CSMD1: variants seen among roughly 807,000 people sequenced by gnomAD.
CSMD1 encodes CUB and sushi domain-containing protein 1.
CSMD1 carries 213 observed loss-of-function variants against 417.5 expected under a neutral mutation model. That is an observed-to-expected ratio of 0.51 (90% CI 0.46 to 0.57). The LOEUF (loss-of-function observed/expected upper bound fraction) is 0.57, where lower values mean the gene tolerates loss of function less well. Ranked by LOEUF, CSMD1 falls within the 20% of genes least tolerant of loss-of-function variation. CSMD1 has a pLI of 0.00. For missense variants in CSMD1, 6,923 were observed against 4,529.7 expected, an observed-to-expected ratio of 1.53 and a Z score of -15.17; for synonymous variants, 2,862 against 1,736.8, an observed-to-expected ratio of 1.65 and a Z score of -16.11.
At chr8:3,158,562 C>T (rs1369085709) in intron 38 of CSMD1, among the ~76,000 whole-genome samples, 1 of 152,140 alleles carries the variant, frequency 6.6e-6, no homozygotes, top group South Asian at 2.1e-4. Flanking sequence ...ACCCTCATCA[C>T]TCAGGGTCTC....
rs763128741 is a variant in CSMD1, at chr8:3,931,469, A to T, written c.818+66434T>A. Among the ~76,000 whole-genome samples the T allele has an allele frequency of 9.3e-5, 14 of 150,328 alleles. 1 individual carries two copies. The highest frequency in any genetic ancestry group is 1.5e-4 in the Non-Finnish European group (10 of 67,588). On this transcript the variant is annotated intron_variant, in intron 5 of 69. Transcript: ENST00000635120. ...CTTTTAAACCTCCTGACAATTCATC[A>T]GATTGGAGCATTTTTAAAAGGCATA...
intron 3 of CSMD1, among the ~76,000 whole-genome samples, chr8:4,153,184 C>A (rs534447781): frequency 3.3e-5 from 5 of 152,126 alleles, no homozygotes; most frequent in Non-Finnish European, 7.3e-5. Flanking sequence ...ATAAGCAGAG[C>A]CCAGTTCCTG....
intron 51 of CSMD1, among the ~76,000 whole-genome samples, chr8:3,022,613 A>G (rs1470202265): frequency 6.6e-6 from 1 of 152,150 alleles, no homozygotes; most frequent in African/African-American, 2.4e-5. Flanking sequence ...AGAAATATGA[A>G]TATTACTTGT....
chr8:4,231,288 G>C (rs76418009), intron 3 of CSMD1, among the ~76,000 whole-genome samples: 1 of 152,164 alleles, frequency 6.6e-6, no homozygotes, highest in Non-Finnish European at 1.5e-5. Flanking sequence ...GTGATGCTAA[G>C]AAAAGCGTGT....
At chr8:3,635,017 G>A (rs1311117914) in intron 7 of CSMD1, among the ~76,000 whole-genome samples, 5 of 151,578 alleles carry the variant, frequency 3.3e-5, no homozygotes, top group Admixed American at 3.3e-4. Context: ...ACTAAACATT[G>A]AAAAACTAAG....
intron 3 of CSMD1, among the ~76,000 whole-genome samples, chr8:4,120,080 G>C (rs957417558): frequency 1.3e-5 from 2 of 152,118 alleles, no homozygotes; most frequent in African/African-American, 2.4e-5. Context: ...GTAATACAAA[G>C]GATAAATGCT....
At chr8:4,035,088 G>T (rs1332573934) in intron 3 of CSMD1, among the ~76,000 whole-genome samples, 1 of 152,142 alleles carries the variant, frequency 6.6e-6, no homozygotes, top group African/African-American at 2.4e-5. Flanking sequence ...ACATTCTACA[G>T]TAATATATAG....
At chr8:3,591,268 A>AT (rs1436159524) in intron 8 of CSMD1, among the ~76,000 whole-genome samples, 1 of 152,140 alleles carries the variant, frequency 6.6e-6, no homozygotes, top group Non-Finnish European at 1.5e-5. Flanking sequence ...GGAAACATAC[A>AT]TTTTCTGCTT....
intron 3 of CSMD1, among the ~76,000 whole-genome samples, chr8:4,360,041 G>A (rs753831174): frequency 2.0e-5 from 3 of 152,064 alleles, no homozygotes; most frequent in East Asian, 1.9e-4. Context: ...CCCCATCTGA[G>A]CATACAGTTC....
At chr8:4,135,407 A>G (rs915230562) in intron 3 of CSMD1, among the ~76,000 whole-genome samples, 8 of 129,998 alleles carry the variant, frequency 6.2e-5, no homozygotes, top group Non-Finnish European at 1.1e-4. Flanking sequence ...GGAAAGAGGG[A>G]AAGAGGGGGA....
At chr8:4,539,229 A>T (rs535338882) in intron 2 of CSMD1, among the ~76,000 whole-genome samples, 1 of 152,352 alleles carries the variant, frequency 6.6e-6, no homozygotes, top group South Asian at 2.1e-4. Flanking sequence ...ACAAGTCAGC[A>T]GACACTAAAT....
intron 11 of CSMD1, among the ~76,000 whole-genome samples, chr8:3,477,424 G>C (rs1208889494): frequency 3.3e-5 from 5 of 152,200 alleles, no homozygotes; most frequent in Non-Finnish European, 7.3e-5. Flanking sequence ...GGAGAAAGCA[G>C]AGTTACTTAA....
At chr8:3,109,368 C>T (rs2129015716) in intron 43 of CSMD1, among the ~76,000 whole-genome samples, 1 of 152,308 alleles carries the variant, frequency 6.6e-6, no homozygotes, top group East Asian at 1.9e-4. Context: ...CCACAGAATG[C>T]TGTTTTGTTT....
chr8:4,396,469 C>T (rs1023196585), intron 3 of CSMD1, among the ~76,000 whole-genome samples: 2 of 152,086 alleles, frequency 1.3e-5, no homozygotes, highest in Admixed American at 6.5e-5. Context: ...CAGCCAGTCT[C>T]ACTCTGCAAT....
At chr8:3,563,478 G>A (rs796175669) in intron 10 of CSMD1, among the ~76,000 whole-genome samples, 19 of 114,494 alleles carry the variant, frequency 1.7e-4, no homozygotes, top group African/African-American at 5.6e-4. Context: ...CCACATCTAA[G>A]ACCTGTAAAA....
chr8:3,051,413 G>A (rs1421904217), intron 50 of CSMD1, among the ~76,000 whole-genome samples: 2 of 152,158 alleles, frequency 1.3e-5, no homozygotes, highest in East Asian at 3.9e-4. Flanking sequence ...CAGACATAAA[G>A]AAGGCAGCAA....
chr8:3,820,589 G>A (rs751274316), intron 5 of CSMD1, among the ~76,000 whole-genome samples: 1 of 152,044 alleles, frequency 6.6e-6, no homozygotes, highest in African/African-American at 2.4e-5. Flanking sequence ...TTGTTTGTTT[G>A]TTTTGAGATG....
At chr8:3,233,423 C>G (rs1798964571) in intron 26 of CSMD1, among the ~76,000 whole-genome samples, 1 of 152,200 alleles carries the variant, frequency 6.6e-6, no homozygotes, top group Non-Finnish European at 1.5e-5. Flanking sequence ...TTGGACTTCT[C>G]AGCCAGCATA....
intron 5 of CSMD1, among the ~76,000 whole-genome samples, chr8:3,844,083 T>C (rs528529764): frequency 6.6e-6 from 1 of 152,314 alleles, no homozygotes; most frequent in South Asian, 2.1e-4. Flanking sequence ...AACAAGGCCA[T>C]CTAAACCTGC....
Sources: gnomAD v4.1 joint callset for allele counts (sites outside exome capture counted in the v4.1 genomes callset) on GRCh38, gnomAD v4.1.1 for gene constraint, MANE v1.5 for transcripts, NCBI Gene and HGNC (gene_info 2026-07-23, HGNC 2026-07-21) for gene names.